LIN28B: variants seen among roughly 807,000 people sequenced by gnomAD.
LIN28B encodes protein lin-28 homolog B.
A neutral mutation model predicts 21.9 loss-of-function variants in LIN28B; 5 were observed. The observed-to-expected ratio is 0.23, with a 90% CI of 0.12 to 0.48. The LOEUF (loss-of-function observed/expected upper bound fraction) is 0.48. Ranked by LOEUF, LIN28B falls within the 20% of genes least tolerant of loss-of-function variation. The pLI is 0.98. For synonymous variants in LIN28B, 109 were observed against 111.3 expected, an observed-to-expected ratio of 0.98 and a Z score of 0.13; for missense variants, 245 against 310.5, an observed-to-expected ratio of 0.79 and a Z score of 1.58.
At chr6:105,015,841 T>C (rs1295543559) in intron 2 of LIN28B, among the ~76,000 whole-genome samples, 1 of 152,154 alleles carries the variant, frequency 6.6e-6, no homozygotes, top group Admixed American at 6.5e-5. Flanking sequence ...AAATATTCAG[T>C]ATATTTGTGT....
intron 2 of LIN28B, among the ~76,000 whole-genome samples, chr6:105,023,568 A>T (rs1203545): frequency 0.15 from 187 of 1,230 alleles, 55 homozygotes; most frequent in African/African-American, 0.41. Flanking sequence ...TATATATATA[A>T]TATATATAAT....
intron 3 of LIN28B, among the ~76,000 whole-genome samples, chr6:105,033,404 A>G (rs184952477): frequency 6.6e-6 from 1 of 152,184 alleles, no homozygotes; most frequent in East Asian, 1.9e-4. Flanking sequence ...TGTGGCAAAA[A>G]AAATGTAAAA....
intron 2 of LIN28B, among the ~76,000 whole-genome samples, chr6:104,959,597 G>A (rs1240435369): frequency 6.6e-6 from 1 of 152,106 alleles, no homozygotes; most frequent in African/African-American, 2.4e-5. Flanking sequence ...GTTTATATGT[G>A]GAAGGATCAG....
At chr6:105,012,587 C>T (rs1005379676) in intron 2 of LIN28B, among the ~76,000 whole-genome samples, 1 of 152,150 alleles carries the variant, frequency 6.6e-6, no homozygotes, top group African/African-American at 2.4e-5. Context: ...TATTTGCTAG[C>T]TTGTACTTCA....
At chr6:104,988,140 C>T (rs1433967362) in intron 2 of LIN28B, among the ~76,000 whole-genome samples, 2 of 152,140 alleles carry the variant, frequency 1.3e-5, no homozygotes, top group African/African-American at 2.4e-5. Flanking sequence ...GCTCGCAACT[C>T]GGGGAAAATG....
intron 3 of LIN28B, among the ~76,000 whole-genome samples, chr6:105,073,809 A>C (rs1395580278): frequency 6.6e-6 from 1 of 152,132 alleles, no homozygotes; most frequent in African/African-American, 2.4e-5. Flanking sequence ...TTTCATTTAC[A>C]CCATTGGAAT....
chr6:105,057,586 T>G (rs1442543191), intron 3 of LIN28B, among the ~76,000 whole-genome samples: 1 of 152,240 alleles, frequency 6.6e-6, no homozygotes, highest in African/African-American at 2.4e-5. Flanking sequence ...CGTGTACCTC[T>G]TCTTTCATTT....
At position 105,051,206 on chromosome 6, in the gene LIN28B, C is replaced by A. The variant is rs191616822; in HGVS notation, c.383+24724C>A. On this transcript the variant is annotated intron_variant, in intron 3 of 3. Transcript: ENST00000345080. ...CTGTAATCCCAGCACTTTGGGAGGC[C>A]GAGTCGGGTGGATCATGAGGTCAGG... 5.3e-5 allele frequency among the ~76,000 whole-genome samples: 8 copies of A among 151,548 alleles called. No individual in the cohort carries two copies. In the East Asian group the frequency reaches 1.5e-3, roughly 29 times the overall value.
At chr6:104,941,935 G>C (rs1778100308) in intron 2 of LIN28B, among the ~76,000 whole-genome samples, 1 of 151,950 alleles carries the variant, frequency 6.6e-6, no homozygotes, top group Admixed American at 6.5e-5. Flanking sequence ...CCTTATTGCG[G>C]AAATTTCTTA....
intron 2 of LIN28B, among the ~76,000 whole-genome samples, chr6:104,990,067 T>C (rs1289825846): frequency 6.6e-6 from 1 of 152,156 alleles, no homozygotes; most frequent in East Asian, 1.9e-4. Flanking sequence ...TGATTTCTTC[T>C]TTGGCTCATG....
intron 3 of LIN28B, among the ~76,000 whole-genome samples, chr6:105,034,049 C>T (rs912546819): frequency 6.6e-6 from 1 of 151,752 alleles, no homozygotes; most frequent in Non-Finnish European, 1.5e-5. Context: ...CTCCTTAATA[C>T]TTGGTGAATA....
At chr6:105,050,141 G>A (rs1173064440) in intron 3 of LIN28B, among the ~76,000 whole-genome samples, 1 of 152,188 alleles carries the variant, frequency 6.6e-6, no homozygotes. Context: ...GGCTGGTACT[G>A]GTTGTTCCTT....
intron 2 of LIN28B, among the ~76,000 whole-genome samples, chr6:105,000,107 T>C (rs937729982): frequency 6.6e-6 from 1 of 152,136 alleles, no homozygotes; most frequent in Non-Finnish European, 1.5e-5. Context: ...AATAAGAGTT[T>C]ACCTGCAAAA....
chr6:104,988,966 C>T (rs1391299606), intron 2 of LIN28B, among the ~76,000 whole-genome samples: 1 of 152,146 alleles, frequency 6.6e-6, no homozygotes, highest in Non-Finnish European at 1.5e-5. Context: ...ATTTTCAAGG[C>T]TGTCACCATT....
chr6:105,076,222 TTTC>T (rs1772422253), intron 3 of LIN28B, among the ~76,000 whole-genome samples: 2 of 152,154 alleles, frequency 1.3e-5, no homozygotes, highest in Admixed American at 1.3e-4. Flanking sequence ...CAACATGTGA[TTTC>T]TTGTTTTTTT....
rs1202921153 is a variant in LIN28B, at chr6:105,082,497, T to C, written c.*3714T>C. 2 of 152,684 alleles carry C rather than the reference T, an allele frequency of 1.3e-5. No individual in the cohort carries two copies. The highest frequency in any genetic ancestry group is 2.9e-5 in the Non-Finnish European group (2 of 68,046). 9.5% of individuals were successfully genotyped at this position (152,684 alleles called of 1,614,324 possible). On this transcript the variant is annotated 3_prime_UTR_variant, in exon 4 of 4. Coordinates refer to ENST00000345080, the MANE Select transcript of LIN28B (RefSeq NM_001004317.4). ...TTATCTGTTTTCTCTAAGAAATGTT[T>C]ATCATAAAATATATATGTGTATTTC...
intron 2 of LIN28B, among the ~76,000 whole-genome samples, chr6:105,010,355 C>A (rs555075739): frequency 6.7e-6 from 1 of 149,564 alleles, no homozygotes; most frequent in East Asian, 1.9e-4. Context: ...AGAGCCAGAC[C>A]CTGACTCAAA....
intron 3 of LIN28B, among the ~76,000 whole-genome samples, chr6:105,050,634 AG>A (rs1771881842): frequency 6.8e-6 from 1 of 147,036 alleles, no homozygotes; most frequent in Non-Finnish European, 1.5e-5. Context: ...AAAAAAAAAA[AG>A]AATGTTGAAC....
chr6:104,941,021 CCGGCCCCG>C (rs907304916), intron 2 of LIN28B: 10 of 152,076 alleles, frequency 6.6e-5, no homozygotes, highest in African/African-American at 1.9e-4. Flanking sequence ...AGGTAAGCAG[CCGGCCCCG>C]CGGCCGCGCG....
Sources: gnomAD v4.1 joint callset for allele counts (sites outside exome capture counted in the v4.1 genomes callset) on GRCh38, gnomAD v4.1.1 for gene constraint, MANE v1.5 for transcripts, NCBI Gene and HGNC (gene_info 2026-07-23, HGNC 2026-07-21) for gene names.